Variants in RPL8 observed in about 807,000 individuals in gnomAD.
The protein encoded by RPL8 is large ribosomal subunit protein uL2.
For missense variants in RPL8, 248 were observed against 365.9 expected (o/e 0.68, Z 2.63); for synonymous variants, 182 against 143.2 (o/e 1.27, Z -1.94).
chr8:144,790,661 C>T (rs969150346), intron 3 of RPL8, 191 bp from the exon 4 acceptor site: 1 of 691,352 alleles, frequency 1.4e-6, no homozygotes, highest in Non-Finnish European at 2.6e-6. Context: ...AATGGGCAGG[C>T]AAGCCAAGGC....
At position 144,790,645 on chromosome 8, in the gene RPL8, A is replaced by G. The variant is rs546789193; in HGVS notation, c.500-175T>C. The G allele has an allele frequency of 5.5e-5, 38 of 689,844 alleles. 1 individual carries two copies. The African/African-American group carries it at 6.1e-4, about 11-fold the overall frequency. 42.7% of individuals were successfully genotyped at this position (689,844 alleles called of 1,614,324 possible). ...TGTGAGCTGACATCCAGTTTCTTCA[A>G]TCCACAATGGGCAGGCAAGCCAAGG... On this transcript the variant is annotated intron_variant, in intron 3 of 4. Coordinates refer to ENST00000528957, the MANE Select transcript of RPL8 (RefSeq NM_001317782.2).
chr8:144,790,744 C>A, intron 3 of RPL8: 1 of 649,602 alleles, frequency 1.5e-6, no homozygotes, highest in East Asian at 3.1e-5. Flanking sequence ...ATGTGTGAGA[C>A]GTCAGGCCGG....
At position 144,789,820 on chromosome 8, in the gene RPL8, T is replaced by C. The variant is rs1252631109; in HGVS notation, c.758A>G (p.Gln253Arg). 5.0e-6 allele frequency: 8 copies of C among 1,613,482 alleles called. No individual in the cohort carries two copies. Among genetic ancestry groups the C allele is most frequent in the Non-Finnish European group, 6.8e-6 (8 of 1,179,850 alleles). The change falls in exon 5 of 5, where the codon CAG becomes CGG. Residue 253 changes from glutamine (Q) to arginine (R), a missense_variant. Physicochemically the swap from Gln to Arg is conservative, Grantham distance 43. Coordinates refer to ENST00000528957, the MANE Select transcript of RPL8 (RefSeq NM_001317782.2). ...TGRLRGTKTV[Q>R]EKEN ...CCCTCAGCACTAGTTCTCTTTCTCCTGCACAGTCTTGGTTCCCCGGAGACG... is the reference window on the plus strand; with the variant it reads ...CCCTCAGCACTAGTTCTCTTTCTCCCGCACAGTCTTGGTTCCCCGGAGACG...
intron 3 of RPL8, chr8:144,790,802 C>G (rs887006481): frequency 1.6e-5 from 9 of 578,124 alleles, no homozygotes; most frequent in Non-Finnish European, 2.6e-5. Flanking sequence ...CCCATCTCAG[C>G]TTTACTTATT....
Position 144,792,346 on chromosome 8 carries a change from A to G in RPL8, c.-217T>C, listed in dbSNP as rs1586752924. 5 of 735,968 alleles carry G rather than the reference A, an allele frequency of 6.8e-6. No homozygotes were observed. The highest frequency in any genetic ancestry group is 5.6e-5 in the African/African-American group (3 of 53,944). The allele number at this position is 735,968 out of a possible 1,614,324, so 45.6% of individuals were successfully genotyped here. On this transcript the variant is annotated 5_prime_UTR_variant, in exon 1 of 5. Coordinates refer to ENST00000528957, the MANE Select transcript of RPL8 (RefSeq NM_001317782.2). ...GGCGGCGGATACTGCCCATGCCGCA[A>G]GGCCGCAAGGATGACCTACCTGTTC...
chr8:144,791,083 A>C (rs1826494411), intron 3 of RPL8, 194 bp downstream of exon 3: 1 of 608,526 alleles, frequency 1.6e-6, no homozygotes, highest in African/African-American at 1.8e-5. Context: ...CAACAGCAGT[A>C]AAGCAGGTAC....
rs370632495 is a variant in RPL8, at chr8:144,791,747, C to T, written c.280+26G>A. The T allele has an allele frequency of 5.9e-5, 95 of 1,612,742 alleles. No homozygotes were observed. In the African/African-American group the frequency reaches 9.6e-4, roughly 16 times the overall value. On this transcript the variant is annotated intron_variant, in intron 2 of 4. Transcript: ENST00000528957. ...ACACCCAGACCCCTCCCCACCCCGACCTTCCTTCCCCGCCGCGATGCTAAC... is the reference window on the plus strand; with the variant it reads ...ACACCCAGACCCCTCCCCACCCCGATCTTCCTTCCCCGCCGCGATGCTAAC...
At chr8:144,790,027 TCCCA>T in intron 4 of RPL8, 65 bp from the exon 5 acceptor site, 1 of 1,500,298 alleles carries the variant, frequency 6.7e-7, no homozygotes, top group South Asian at 1.3e-5. Flanking sequence ...GGCCTCGGGG[TCCCA>T]CCCGTCAGGG....
In RPL8 at chr8:144,792,230, C is replaced by A. The variant is rs1406388057; in HGVS notation, c.-101G>T. The A allele has an allele frequency of 1.4e-6, 2 of 1,382,682 alleles. No homozygotes were observed. The highest frequency in any genetic ancestry group is 1.9e-6 in the Non-Finnish European group (2 of 1,072,292). The allele number at this position is 1,382,682 out of a possible 1,614,324, so 85.7% of individuals were successfully genotyped here. A position where few individuals can be genotyped will look rare whatever the true frequency, so the allele number is the denominator to read the frequency against. On this transcript the variant is annotated 5_prime_UTR_variant, in exon 1 of 5. Coordinates refer to ENST00000528957, the MANE Select transcript of RPL8 (RefSeq NM_001317782.2). ...GGACCCCGCCCCCGAGGCCGCCGCG[C>A]CCACCACTCCCTACCCTCTCCGCGG...
At chr8:144,790,005 ACCCCCG>A in intron 4 of RPL8, 43 bp from the exon 5 acceptor site, 1 of 1,554,436 alleles carries the variant, frequency 6.4e-7, no homozygotes, top group Admixed American at 1.9e-5. Context: ...CTTCCCCACC[ACCCCCG>A]CCCCCGGCCT....
At position 144,791,827 on chromosome 8, in the gene RPL8, A is replaced by G. The variant is rs992109387; in HGVS notation, c.226T>C (p.Phe76Leu). 1 of 1,613,946 alleles carries G rather than the reference A, an allele frequency of 6.2e-7. No homozygotes were observed. The highest frequency in any genetic ancestry group is 8.5e-7 in the Non-Finnish European group (1 of 1,180,014). Residue 76 changes from phenylalanine to leucine, a missense_variant, in exon 2 of 5, where the codon TTC becomes CTC. Coordinates refer to ENST00000528957, the MANE Select transcript of RPL8 (RefSeq NM_001317782.2). ...GTGTGAATGCCCTCGGCGGCAATGA[A>G]CAGCTCCGTCCGCTTCTTAAACCGA... is the stretch of plus-strand genomic sequence containing the variant. The part of the protein sequence containing the change: ...PYRFKKRTEL[F>L]IAAEGIHTGQ...
At chr8:144,791,071 C>T (rs1389738103) in intron 3 of RPL8, 2 of 597,942 alleles carry the variant, frequency 3.3e-6, no homozygotes, top group African/African-American at 1.9e-5. Context: ...CATTTAACGC[C>T]TCAACAGCAG....
intron 3 of RPL8, 186 bp from the exon 4 acceptor site, chr8:144,790,656 G>A (rs756951314): frequency 1.8e-4 from 123 of 692,022 alleles, no homozygotes; most frequent in Non-Finnish European, 3.2e-4. Flanking sequence ...TCCACAATGG[G>A]CAGGCAAGCC....
intron 4 of RPL8, 71 bp downstream of exon 4, chr8:144,790,284 T>G: frequency 7.8e-7 from 1 of 1,285,174 alleles, no homozygotes; most frequent in African/African-American, 1.5e-5. Flanking sequence ...CACCTGTGGA[T>G]GGGACTTGCC....
chr8:144,791,086 G>C, intron 3 of RPL8, 191 bp downstream of exon 3: 1 of 611,398 alleles, frequency 1.6e-6, no homozygotes, highest in East Asian at 2.8e-5. Flanking sequence ...CAGCAGTAAA[G>C]CAGGTACTGT....
Position 144,791,909 on chromosome 8 carries a change from G to T in RPL8, c.144C>A (p.Ile48=). 1 of 1,613,138 alleles carries T rather than the reference G, an allele frequency of 6.2e-7. No homozygotes were observed. Among genetic ancestry groups the T allele is most frequent in the Non-Finnish European group, 8.5e-7 (1 of 1,179,902 alleles). The part of the protein sequence containing the change: ...HGYIKGIVKD[I]IHDPGRGAPL... ...GCGCGCCGCGGCCCGGGTCGTGGATGATGTCCTGTGGGCAGAGGCGGCGTG... is the reference window on the plus strand; with the variant it reads ...GCGCGCCGCGGCCCGGGTCGTGGATTATGTCCTGTGGGCAGAGGCGGCGTG... The change falls in exon 2 of 5, where the codon ATC becomes ATA. Residue 48 remains isoleucine, a synonymous_variant. Transcript: ENST00000528957.
Position 144,791,835 on chromosome 8 carries a change from G to A in RPL8, c.218C>T (p.Thr73Met), listed in dbSNP as rs376660224. 3.6e-5 allele frequency: 58 copies of A among 1,613,852 alleles called. No individual in the cohort carries two copies. The highest frequency in any genetic ancestry group is 2.5e-4 in the South Asian group (23 of 91,084). Residue 73 changes from threonine (T) to methionine (M), a missense_variant, in exon 2 of 5, where the codon ACG (threonine) becomes ATG (methionine). Physicochemically the swap from Thr to Met is moderately conservative, Grantham distance 81. Transcript: ENST00000528957. ...FRDPYRFKKR[T>M]ELFIAAEGIH... ...GCCCTCGGCGGCAATGAACAGCTCCGTCCGCTTCTTAAACCGATACGGATC... is the reference window on the plus strand; with the variant it reads ...GCCCTCGGCGGCAATGAACAGCTCCATCCGCTTCTTAAACCGATACGGATC...
chr8:144,790,019 CCTCGGG>C, intron 4 of RPL8, 57 bp from the exon 5 acceptor site: 2 of 1,523,834 alleles, frequency 1.3e-6, no homozygotes, highest in East Asian at 4.6e-5. Flanking sequence ...CCGCCCCCGG[CCTCGGG>C]GTCCCACCCG....
rs575009443 is a variant in RPL8, at chr8:144,791,160, G to C, written c.499+117C>G. The C allele has an allele frequency of 1.4e-5, 15 of 1,037,674 alleles. No individual in the cohort carries two copies. The Admixed American group carries it at 2.1e-4, about 14-fold the overall frequency. The allele number at this position is 1,037,674 out of a possible 1,614,324, so 64.3% of individuals were successfully genotyped here. On this transcript the variant is annotated intron_variant, in intron 3 of 4. Coordinates refer to ENST00000528957, the MANE Select transcript of RPL8 (RefSeq NM_001317782.2). ...ATGAGCTCAAACTTACAGAACCCAAGTTTTAGAACAACAGGTAATCGAATT... is the reference window on the plus strand; with the variant it reads ...ATGAGCTCAAACTTACAGAACCCAACTTTTAGAACAACAGGTAATCGAATT...
Sources: gnomAD v4.1 joint callset for allele counts on GRCh38, gnomAD v4.1.1 for gene constraint, MANE v1.5 for transcripts, NCBI Gene and HGNC (gene_info 2026-07-23, HGNC 2026-07-21) for gene names.